Variants in ZNF562 observed in about 807,000 individuals in gnomAD.
The protein encoded by ZNF562 is zinc finger protein 562.
A neutral mutation model predicts 17.5 loss-of-function variants in ZNF562; 13 were observed. That is an observed-to-expected ratio of 0.74 (90% CI 0.48 to 1.18). ZNF562 has a LOEUF of 1.18. ZNF562 is among the 50% of genes most tolerant of loss of function. The pLI is 0.00. For missense variants in ZNF562, 481 were observed against 498.5 expected (o/e 0.96, Z 0.33); for synonymous variants, 163 against 165.4 (o/e 0.99, Z 0.11).
chr19:9,657,661 C>T (rs2043559279), intron 4 of ZNF562, among the ~76,000 whole-genome samples: 1 of 151,608 alleles, frequency 6.6e-6, no homozygotes, highest in Non-Finnish European at 1.5e-5. Context: ...ATTCTACTGC[C>T]TCAGCCTCCC....
At chr19:9,655,630 G>C (rs192477400) in intron 5 of ZNF562, among the ~76,000 whole-genome samples, 1 of 149,928 alleles carries the variant, frequency 6.7e-6, no homozygotes, top group African/African-American at 2.4e-5. Context: ...ATGTTGGTCA[G>C]GCTGGTCTCA....
At chr19:9,656,898 G>T (rs1211725773) in intron 4 of ZNF562, among the ~76,000 whole-genome samples, 9 of 139,542 alleles carry the variant, frequency 6.4e-5, no homozygotes, top group Non-Finnish European at 1.4e-4. Context: ...ATATTAGCCG[G>T]GCGCGTTGGC....
intron 1 of ZNF562, among the ~76,000 whole-genome samples, chr19:9,663,717 C>G (rs1389881270): frequency 6.6e-6 from 1 of 151,740 alleles, no homozygotes; most frequent in Non-Finnish European, 1.5e-5. Context: ...CATTCTGTCG[C>G]CCAGGCTGGA....
At chr19:9,655,417 A>G (rs563414493) in intron 5 of ZNF562, among the ~76,000 whole-genome samples, 1 of 152,328 alleles carries the variant, frequency 6.6e-6, no homozygotes, top group African/African-American at 2.4e-5. Flanking sequence ...CATCACATTC[A>G]GACTATCTCT....
At position 9,643,495 on chromosome 19, in the gene ZNF562, GCAGTAAATGCCAC is replaced by G. The variant is rs1378505726; in HGVS notation, c.*9441_*9453del. 3 of 151,962 alleles carry G rather than the reference GCAGTAAATGCCAC, an allele frequency of 2.0e-5. No individual in the cohort carries two copies. Among genetic ancestry groups the G allele is most frequent in the African/African-American group, 7.2e-5 (3 of 41,438 alleles). 9.4% of individuals were successfully genotyped at this position (151,962 alleles called of 1,614,324 possible). On this transcript the variant is annotated 3_prime_UTR_variant, in exon 6 of 6. Transcript: ENST00000453372. ...GAGCCAGAGCCAACCTTATATTCCT[GCAGTAAATGCCAC>G]TGGGTTTACTATTTTCTTATCAAGC... is the stretch of plus-strand genomic sequence containing the variant.
At chr19:9,656,900 C>T (rs572701500) in intron 4 of ZNF562, among the ~76,000 whole-genome samples, 5 of 142,234 alleles carry the variant, frequency 3.5e-5, no homozygotes, top group Admixed American at 1.5e-4. Flanking sequence ...ATTAGCCGGG[C>T]GCGTTGGCAT....
Position 9,651,446 on chromosome 19 carries a change from G to C in ZNF562, c.*1503C>G, listed in dbSNP as rs573676066. 45 of 152,302 alleles carry C rather than the reference G, an allele frequency of 3.0e-4. No homozygotes were observed. Among genetic ancestry groups the C allele is most frequent in the African/African-American group, 1.1e-3 (45 of 41,562 alleles). The allele number at this position is 152,302 out of a possible 1,614,324, so 9.4% of individuals were successfully genotyped here. On this transcript the variant is annotated 3_prime_UTR_variant, in exon 6 of 6. Transcript: ENST00000453372. ...CTGAGTGCTTACAGGAAAATGTGCTGGGAACAGGCCCCCCAAATCTGGCCA... is the reference window on the plus strand; with the variant it reads ...CTGAGTGCTTACAGGAAAATGTGCTCGGAACAGGCCCCCCAAATCTGGCCA...
rs2074906304 is a variant in ZNF562, at chr19:9,653,443, T to TA, written c.786dup (p.Lys263Ter). 2 of 1,614,090 alleles carry TA rather than the reference T, an allele frequency of 1.2e-6. No individual in the cohort carries two copies. Among genetic ancestry groups the TA allele is most frequent in the African/African-American group, 1.3e-5 (1 of 74,940 alleles). On this transcript the variant is annotated frameshift_variant, in exon 6 of 6. Coordinates refer to ENST00000453372, the MANE Select transcript of ZNF562 (RefSeq NM_001130031.2). LOFTEE classifies it low-confidence loss of function (END_TRUNC). The stretch of plus-strand genomic sequence containing the variant: ...TTAGTGAAGGATTTCCCACAGTTCT[T>TA]AGTCTTTTCGGATTTCTTTCCAGTA...
intron 3 of ZNF562, among the ~76,000 whole-genome samples, chr19:9,658,753 C>G (rs988054241): frequency 6.6e-6 from 1 of 151,812 alleles, no homozygotes; most frequent in African/African-American, 2.4e-5. Context: ...AACAGTACTT[C>G]CTAAACATTA....
At chr19:9,663,393 G>C (rs963315981) in intron 1 of ZNF562, among the ~76,000 whole-genome samples, 2 of 143,326 alleles carry the variant, frequency 1.4e-5, no homozygotes, top group African/African-American at 5.3e-5. Flanking sequence ...CTGGGTGACA[G>C]AGCGAGACTC....
chr19:9,660,610 G>GAA (rs111723152), intron 2 of ZNF562, 110 bp downstream of exon 2: 9,727 of 915,896 alleles, frequency 0.011, 2 homozygotes, highest in East Asian at 0.028. Context: ...CCATCTAAAA[G>GAA]AAAAAAAAAA....
chr19:9,662,598 A>C (rs1002272101), intron 1 of ZNF562, among the ~76,000 whole-genome samples: 1 of 150,866 alleles, frequency 6.6e-6, no homozygotes, highest in South Asian at 2.1e-4. Context: ...TATAGACAAC[A>C]GGCCAGGCAC....
chr19:9,669,700 C>T (rs556225357), intron 1 of ZNF562, among the ~76,000 whole-genome samples: 2 of 140,160 alleles, frequency 1.4e-5, no homozygotes, highest in Non-Finnish European at 3.0e-5. Context: ...CAAGACCTGT[C>T]TGCATGCACG....
At chr19:9,665,513 G>A (rs1296487544) in intron 1 of ZNF562, among the ~76,000 whole-genome samples, 1 of 152,108 alleles carries the variant, frequency 6.6e-6, no homozygotes, top group Admixed American at 6.6e-5. Context: ...GGACATCCAG[G>A]GACAAAGAGG....
chr19:9,665,340 A>T (rs896737922), intron 1 of ZNF562, among the ~76,000 whole-genome samples: 3 of 152,190 alleles, frequency 2.0e-5, no homozygotes, highest in Non-Finnish European at 4.4e-5. Flanking sequence ...AGCACCAAGA[A>T]TGTGGAAAAT....
chr19:9,669,457 A>T (rs2044064524), intron 1 of ZNF562, among the ~76,000 whole-genome samples: 1 of 152,166 alleles, frequency 6.6e-6, no homozygotes, highest in Non-Finnish European at 1.5e-5. Context: ...AGGGAATAAC[A>T]AATGCTGATG....
At chr19:9,663,362 A>G (rs1433216872) in intron 1 of ZNF562, among the ~76,000 whole-genome samples, 3 of 148,978 alleles carry the variant, frequency 2.0e-5, no homozygotes, top group Admixed American at 6.8e-5. Flanking sequence ...AGTAAGTGAG[A>G]TTGCGCCACT....
intron 1 of ZNF562, among the ~76,000 whole-genome samples, chr19:9,663,248 C>CAAAAAA (rs59452070): frequency 6.8e-4 from 88 of 129,964 alleles, no homozygotes; most frequent in African/African-American, 2.5e-3. Context: ...ACTAAAAATA[C>CAAAAAA]AAAAAAAAAA....
rs1325267738 is a variant in ZNF562, at chr19:9,642,631, AC to A, written c.*10317del. ...AAAAATCAACAAAGATAGAGGGAAA[AC>A]CCAAAATGGAATACGAACAGGAACA... On this transcript the variant is annotated 3_prime_UTR_variant, in exon 6 of 6. Transcript: ENST00000453372. 6 of 152,064 alleles carry A rather than the reference AC, an allele frequency of 3.9e-5. No individual in the cohort carries two copies. Among genetic ancestry groups the A allele is most frequent in the Admixed American group, 2.6e-4 (4 of 15,246 alleles). The allele number at this position is 152,064 out of a possible 1,614,324, so 9.4% of individuals were successfully genotyped here.
Sources: gnomAD v4.1 joint callset for allele counts (sites outside exome capture counted in the v4.1 genomes callset) on GRCh38, gnomAD v4.1.1 for gene constraint, MANE v1.5 for transcripts, NCBI Gene and HGNC (gene_info 2026-07-23, HGNC 2026-07-21) for gene names.